TCF3: variants seen among roughly 807,000 people sequenced by gnomAD.
TCF3 encodes transcription factor 3.
In TCF3, 54 loss-of-function variants were observed where a neutral mutation model predicts 72.3. The observed-to-expected ratio is 0.75, with a 90% CI of 0.60 to 0.94. The LOEUF is 0.94. Ranked by LOEUF, TCF3 falls within the 40% of genes least tolerant of loss-of-function variation. The pLI is 0.00. For synonymous variants in TCF3, 525 were observed against 412.6 expected (o/e 1.27, Z -3.30); for missense variants, 1,078 against 934.4 (o/e 1.15, Z -2.00).
At chr19:1,651,844 G>C (rs1483289996) in intron 1 of TCF3, among the ~76,000 whole-genome samples, 6 of 145,646 alleles carry the variant, frequency 4.1e-5, no homozygotes, top group African/African-American at 1.0e-4. Flanking sequence ...TGCAGCGCGC[G>C]GCACCTTCCC....
chr19:1,633,881 C>A (rs555974056), intron 3 of TCF3, among the ~76,000 whole-genome samples: 1 of 152,180 alleles, frequency 6.6e-6, no homozygotes, highest in Non-Finnish European at 1.5e-5. Flanking sequence ...AGCGCCGGCA[C>A]CCTCTGGGTC....
At chr19:1,648,386 C>T (rs778301000) in intron 2 of TCF3, among the ~76,000 whole-genome samples, 19 of 152,142 alleles carry the variant, frequency 1.2e-4, no homozygotes, top group Admixed American at 2.6e-4. Context: ...GGCACCTCGC[C>T]GCTCCCAGCC....
chr19:1,651,690 C>A (rs1044339498), intron 1 of TCF3, among the ~76,000 whole-genome samples: 1 of 151,734 alleles, frequency 6.6e-6, no homozygotes. Flanking sequence ...GGAAGCCGGA[C>A]CCCCCTCCCC....
rs76372489 is a variant in TCF3, at chr19:1,617,463, A to G, written c.1451-1642T>C. Among the ~76,000 whole-genome samples, 1,365 of 152,370 alleles carry G rather than the reference A, an allele frequency of 9.0e-3. 27 individuals carry two copies. The highest frequency in any genetic ancestry group is 0.031 in the African/African-American group (1,288 of 41,588). On this transcript the variant is annotated intron_variant, in intron 16 of 18. Coordinates refer to ENST00000262965, the MANE Select transcript of TCF3 (RefSeq NM_003200.5). ...GTGGCTTAAGGGTACACAGTGCCCCAAATGAATGCGGCCACTCTGCATTCA... is the reference window on the plus strand; with the variant it reads ...GTGGCTTAAGGGTACACAGTGCCCCGAATGAATGCGGCCACTCTGCATTCA...
At chr19:1,616,046 A>C (rs1372430855) in intron 16 of TCF3, among the ~76,000 whole-genome samples, 1 of 152,256 alleles carries the variant, frequency 6.6e-6, no homozygotes, top group Non-Finnish European at 1.5e-5. Context: ...AAACAGTTTT[A>C]CCACCTTTGG....
intron 3 of TCF3, among the ~76,000 whole-genome samples, chr19:1,638,779 C>T (rs2064827134): frequency 6.6e-6 from 1 of 152,204 alleles, no homozygotes; most frequent in Non-Finnish European, 1.5e-5. Context: ...AGCCGCAAAG[C>T]GGTACAGAGC....
At chr19:1,618,399 G>A (rs1231268520) in intron 16 of TCF3, among the ~76,000 whole-genome samples, 4 of 152,068 alleles carry the variant, frequency 2.6e-5, no homozygotes, top group Admixed American at 6.5e-5. Context: ...GAGCACCTGG[G>A]TCAGGTCCCA....
chr19:1,618,688 C>G (rs1238689506), intron 16 of TCF3, among the ~76,000 whole-genome samples: 1 of 152,226 alleles, frequency 6.6e-6, no homozygotes, highest in Non-Finnish European at 1.5e-5. Context: ...CAAACACCAC[C>G]TTGTGGCCTC....
intron 5 of TCF3, among the ~76,000 whole-genome samples, chr19:1,631,618 C>T (rs1019667853): frequency 6.6e-6 from 1 of 151,966 alleles, no homozygotes; most frequent in Non-Finnish European, 1.5e-5. Context: ...GGAAAGAGGG[C>T]GGGCGGGCGG....
chr19:1,651,265 A>C (rs1407741780), intron 1 of TCF3: 5 of 227,834 alleles, frequency 2.2e-5, no homozygotes, highest in Non-Finnish European at 3.5e-5. Flanking sequence ...GGACGGGGGC[A>C]GCCCGGGAGA....
At position 1,650,183 on chromosome 19, in the gene TCF3, G is replaced by GT; in HGVS notation, c.65_66insA (p.Phe22LeufsTer30). Reference sequence around the variant, plus strand: ...GGCGGGGGTCCTGGCTCACCATGCTGAAGTCCAGGAGGTCACTGAGCTCCT... The same window carrying GT: ...GGCGGGGGTCCTGGCTCACCATGCTGTAAGTCCAGGAGGTCACTGAGCTCCT... On this transcript the variant is annotated frameshift_variant, in exon 2 of 19. Transcript: ENST00000262965. LOFTEE classifies it high-confidence loss of function. 6.4e-7 allele frequency: 1 copy of GT among 1,569,860 alleles called. No individual in the cohort carries two copies. The highest frequency in any genetic ancestry group is 8.6e-7 in the Non-Finnish European group (1 of 1,158,958).
intron 1 of TCF3, among the ~76,000 whole-genome samples, chr19:1,651,914 C>G (rs1234989493): frequency 1.3e-5 from 2 of 151,054 alleles, no homozygotes; most frequent in Admixed American, 6.6e-5. Flanking sequence ...GGCGCCCGGG[C>G]CGGGCCCCCC....
rs1321643224 is a variant in TCF3 at position 1,610,899 on chromosome 19, C to T, written c.*808G>A. 4.1e-5 allele frequency: 7 copies of T among 170,416 alleles called. No homozygotes were observed. The highest frequency in any genetic ancestry group is 7.8e-5 in the Non-Finnish European group (7 of 89,768). 10.6% of individuals were successfully genotyped at this position (170,416 alleles called of 1,614,324 possible). A position where few individuals can be genotyped will look rare whatever the true frequency, so the allele number is the denominator to read the frequency against. ...AAACAAAAGACCCGCCGCCTGTCCC[C>T]GTTCTGTCTGTGTGCAGTGGCTTCC... is the stretch of plus-strand genomic sequence containing the variant. On this transcript the variant is annotated 3_prime_UTR_variant, in exon 19 of 19. Coordinates refer to ENST00000262965, the MANE Select transcript of TCF3 (RefSeq NM_003200.5).
At position 1,615,043 on chromosome 19, in the gene TCF3, G is replaced by A. The variant is rs2061410931; in HGVS notation, c.1822+242C>T. ...CCAGGCCTGAAGGACTAGGGGTCCA[G>A]AAAGAGTCCAGTCCTCCCACTGTGG... On this transcript the variant is annotated intron_variant, in intron 18 of 18. Coordinates refer to ENST00000262965, the MANE Select transcript of TCF3 (RefSeq NM_003200.5). The surrounding 1 kb of genome is among the most constrained non-coding windows in gnomAD (Gnocchi z 7.3). Among the ~76,000 whole-genome samples, 1 of 152,156 alleles carries A rather than the reference G, an allele frequency of 6.6e-6. No individual in the cohort carries two copies. Among genetic ancestry groups the A allele is most frequent in the Non-Finnish European group, 1.5e-5 (1 of 68,030 alleles).
intron 7 of TCF3, among the ~76,000 whole-genome samples, chr19:1,625,307 C>T (rs967136683): frequency 2.0e-5 from 3 of 152,246 alleles, no homozygotes; most frequent in Admixed American, 6.5e-5. Context: ...ACAGAAAGCA[C>T]ATGGCAGAGC....
rs1337931789 is a variant in TCF3 at position 1,614,208 on chromosome 19, C to G, written c.1822+1077G>C. Among the ~76,000 whole-genome samples, 1 of 152,230 alleles carries G rather than the reference C, an allele frequency of 6.6e-6. No homozygotes were observed. Among genetic ancestry groups the G allele is most frequent in the African/African-American group, 2.4e-5 (1 of 41,460 alleles). On this transcript the variant is annotated intron_variant, in intron 18 of 18. Transcript: ENST00000262965. The surrounding 1 kb of genome is among the most constrained non-coding windows in gnomAD (Gnocchi z 5.6). ...GGGGGCTGCCTCACCCACTTGCCTG[C>G]CCACCCTGCCTTAGGGGCCTGAGGG...
At chr19:1,631,797 G>T in intron 5 of TCF3, 1 of 1,057,770 alleles carries the variant, frequency 9.5e-7, no homozygotes, top group Non-Finnish European at 1.3e-6. Context: ...GTCTGGAACG[G>T]CCTCCCTGCC....
intron 3 of TCF3, among the ~76,000 whole-genome samples, chr19:1,642,246 A>ACACACACGTGCG (rs1415236441): frequency 1.4e-5 from 2 of 143,850 alleles, no homozygotes; most frequent in Non-Finnish European, 3.1e-5. Flanking sequence ...GCGCAGACGC[A>ACACACACGTGCG]CACACACGTG....
At chr19:1,650,567 G>A (rs775592719) in intron 1 of TCF3, 5 of 336,030 alleles carry the variant, frequency 1.5e-5, no homozygotes, top group Non-Finnish European at 2.7e-5. Context: ...AACTCCCCCA[G>A]GGAACACCAG....
Sources: allele counts gnomAD v4.1 joint callset (sites outside exome capture counted in the v4.1 genomes callset), GRCh38; gene constraint gnomAD v4.1.1; non-coding constraint Gnocchi (gnomAD v3.1); transcripts MANE v1.5; gene names NCBI Gene and HGNC (gene_info 2026-07-23, HGNC 2026-07-21).